The following NDUFA5 variants were observed in gnomAD, a reference collection of about 807,000 sequenced individuals.
The protein encoded by NDUFA5 is NADH:ubiquinone oxidoreductase subunit A5.
NDUFA5 carries 11 observed loss-of-function variants against 19.8 expected under a neutral mutation model. The observed-to-expected ratio is 0.56, with a 90% CI of 0.35 to 0.92. NDUFA5 has a LOEUF of 0.92. Among genes scored for constraint, NDUFA5 ranks in the 40% least tolerant of loss-of-function variants. The probability of loss-of-function intolerance (pLI) is 0.01; values close to 1 mark genes in which losing one functional copy is unlikely to be tolerated. For synonymous variants in NDUFA5, 47 were observed against 46.8 expected (o/e 1.00, Z -0.01); for missense variants, 109 against 134.2 (o/e 0.81, Z 0.93).
chr7:123,599,719 C>T, the NDUFA5 span, among the ~76,000 whole-genome samples: 7 of 152,204 alleles, frequency 4.6e-5, no homozygotes, highest in East Asian at 1.3e-3. Flanking sequence ...TCTTTCATAT[C>T]AGTTGCTATA....
the NDUFA5 span, among the ~76,000 whole-genome samples, chr7:123,565,532 C>T: frequency 7.2e-5 from 11 of 152,132 alleles, no homozygotes; most frequent in Admixed American, 5.9e-4. Context: ...AACCATAATA[C>T]AAATTGTTTC....
chr7:123,589,446 T>C, the NDUFA5 span, among the ~76,000 whole-genome samples: 3 of 149,076 alleles, frequency 2.0e-5, no homozygotes, highest in Admixed American at 6.7e-5. Flanking sequence ...CATTAGGTAT[T>C]TCTCCTAACA....
chr7:123,578,783 T>C, the NDUFA5 span, among the ~76,000 whole-genome samples: 7 of 152,298 alleles, frequency 4.6e-5, no homozygotes, highest in East Asian at 1.2e-3. Context: ...ACTGAATCAT[T>C]GCTATCTTTA....
the NDUFA5 span, among the ~76,000 whole-genome samples, chr7:123,589,005 A>G: frequency 0.29 from 44,620 of 151,568 alleles, 6,712 homozygotes; most frequent in East Asian, 0.4. Context: ...CCTGGAGAAT[A>G]TTCTATGTCC....
At chr7:123,592,956 G>T in the NDUFA5 span, among the ~76,000 whole-genome samples, 1 of 152,020 alleles carries the variant, frequency 6.6e-6, no homozygotes, top group Non-Finnish European at 1.5e-5. Context: ...CGGTGCTCCT[G>T]TATTGGGTGC....
At chr7:123,562,204 T>C (rs983719971), upstream of NDUFA5, among the ~76,000 whole-genome samples, 2 of 152,130 alleles carry the variant, frequency 1.3e-5, no homozygotes, top group African/African-American at 2.4e-5. Flanking sequence ...TCTTCTTTTT[T>C]CTTAGCCCAG....
chr7:123,589,205 T>C, the NDUFA5 span, among the ~76,000 whole-genome samples: 1 of 151,824 alleles, frequency 6.6e-6, no homozygotes, highest in Non-Finnish European at 1.5e-5. Flanking sequence ...CCTTACTATG[T>C]TTAGGTGCTC....
At chr7:123,556,251 T>C (rs998758073) in intron 2 of NDUFA5, 1 of 142,982 alleles carries the variant, frequency 7.0e-6, no homozygotes. Flanking sequence ...ATTTTGGACA[T>C]GTTAAGTTTG....
chr7:123,580,225 G>C, the NDUFA5 span, among the ~76,000 whole-genome samples: 1 of 152,008 alleles, frequency 6.6e-6, no homozygotes, highest in Non-Finnish European at 1.5e-5. Flanking sequence ...CGTTTTGCCT[G>C]TTCAGAGAGC....
upstream of NDUFA5, among the ~76,000 whole-genome samples, chr7:123,559,147 A>G (rs1798652269): frequency 6.6e-6 from 1 of 152,092 alleles, no homozygotes; most frequent in Admixed American, 6.5e-5. Context: ...AGCCTTGCTG[A>G]AATAAACAGG....
In NDUFA5 at chr7:123,542,119, T is replaced by C. The variant is rs749994643; in HGVS notation, c.351A>G (p.Ter117=). 3 of 1,602,934 alleles carry C rather than the reference T, an allele frequency of 1.9e-6. No homozygotes were observed. Among genetic ancestry groups the C allele is most frequent in the Non-Finnish European group, 2.6e-6 (3 of 1,173,842 alleles). The change falls in exon 5 of 5, where the codon TAA becomes TAG. Residue 117 remains the stop codon, a stop_retained_variant. Coordinates refer to ENST00000355749, the MANE Select transcript of NDUFA5 (RefSeq NM_005000.5). ...TGAACACACCAAAGTCACTTAATAA[T>C]TATATTGGCCATTTCCACTGATCGG... ...PPADQWKWPI[*] is the part of the protein sequence containing the mutation.
the NDUFA5 span, among the ~76,000 whole-genome samples, chr7:123,596,077 T>C: frequency 6.6e-6 from 1 of 152,192 alleles, no homozygotes; most frequent in Non-Finnish European, 1.5e-5. Flanking sequence ...TCAGTACTTA[T>C]ACTGTTCTAC....
At chr7:123,592,480 T>C in the NDUFA5 span, among the ~76,000 whole-genome samples, 2 of 152,218 alleles carry the variant, frequency 1.3e-5, no homozygotes, top group Non-Finnish European at 2.9e-5. Flanking sequence ...TTCTGGTACG[T>C]TGTGTCTTTG....
chr7:123,562,794 CTTTCTT>C (rs1249165722), upstream of NDUFA5, among the ~76,000 whole-genome samples: 54 of 127,488 alleles, frequency 4.2e-4, no homozygotes, highest in African/African-American at 1.5e-3. Flanking sequence ...TTCTTTCTTT[CTTTCTT>C]TTTTTTTTTT....
Position 123,540,397 on chromosome 7 carries a change from G to A in NDUFA5, c.*1722C>T, listed in dbSNP as rs1797887012. ...TAAAAGATGCCCAAGAATCATGGCA[G>A]ATACGGGACTGAAAATATGACAAAA... On this transcript the variant is annotated 3_prime_UTR_variant, in exon 5 of 5. Transcript: ENST00000355749. 6.6e-6 allele frequency: 1 copy of A among 152,122 alleles called. No individual in the cohort carries two copies. The highest frequency in any genetic ancestry group is 1.5e-5 in the Non-Finnish European group (1 of 68,032). 9.4% of individuals were successfully genotyped at this position (152,122 alleles called of 1,614,324 possible).
At chr7:123,552,341 A>G (rs1798375980) in intron 2 of NDUFA5, among the ~76,000 whole-genome samples, 1 of 152,198 alleles carries the variant, frequency 6.6e-6, no homozygotes, top group South Asian at 2.1e-4. Context: ...TTGCAGGGAA[A>G]TGGATGAAGC....
chr7:123,582,941 C>A, the NDUFA5 span, among the ~76,000 whole-genome samples: 1 of 151,958 alleles, frequency 6.6e-6, no homozygotes, highest in Non-Finnish European at 1.5e-5. Flanking sequence ...ATGAAAGAAA[C>A]TAGTGTAAAT....
intron 4 of NDUFA5, 28 bp from the exon 5 acceptor site, chr7:123,542,248 A>C: frequency 6.5e-7 from 1 of 1,547,068 alleles, no homozygotes; most frequent in African/African-American, 1.4e-5. Flanking sequence ...TTAAAAGATC[A>C]TTGGATTTTA....
chr7:123,549,517 C>T (rs1039797508), intron 3 of NDUFA5, among the ~76,000 whole-genome samples: 2 of 152,174 alleles, frequency 1.3e-5, no homozygotes, highest in African/African-American at 2.4e-5. Context: ...TAGCTCATGC[C>T]TGTGATCCCA....
Sources: allele counts gnomAD v4.1 joint callset (sites outside exome capture counted in the v4.1 genomes callset), GRCh38; gene constraint gnomAD v4.1.1; transcripts MANE v1.5; gene names NCBI Gene and HGNC (gene_info 2026-07-23, HGNC 2026-07-21).